ZFYVE9: variants seen among roughly 807,000 people sequenced by gnomAD.
The protein encoded by ZFYVE9 is zinc finger FYVE-type containing 9, also known as zinc finger FYVE domain-containing protein 9.
Under a neutral mutation model 126.7 loss-of-function variants are expected in ZFYVE9, and 43 were observed. The observed-to-expected ratio is 0.34, with a 90% CI of 0.27 to 0.44. The LOEUF (loss-of-function observed/expected upper bound fraction) is 0.44. Among genes scored for constraint, ZFYVE9 ranks in the 20% least tolerant of loss-of-function variants. The probability of loss-of-function intolerance (pLI) is 1.00; values close to 1 mark genes in which losing one functional copy is unlikely to be tolerated. For synonymous variants in ZFYVE9, 521 were observed against 597.4 expected, an observed-to-expected ratio of 0.87 and a Z score of 1.87; for missense variants, 1,476 against 1,697.0, an observed-to-expected ratio of 0.87 and a Z score of 2.29.
chr1:52,184,290 T>C (rs1257267208), intron 1 of ZFYVE9, among the ~76,000 whole-genome samples: 3 of 148,736 alleles, frequency 2.0e-5, no homozygotes, highest in African/African-American at 7.4e-5. Context: ...AGTGGCATGA[T>C]TTTGGCTCAC....
At chr1:52,277,751 A>T (rs941181756) in intron 8 of ZFYVE9, among the ~76,000 whole-genome samples, 29 of 152,236 alleles carry the variant, frequency 1.9e-4, no homozygotes, top group African/African-American at 7.0e-4. Flanking sequence ...ATTATTACGC[A>T]TGATTTGACT....
At chr1:52,244,179 G>A (rs1421166339) in intron 4 of ZFYVE9, among the ~76,000 whole-genome samples, 1 of 152,138 alleles carries the variant, frequency 6.6e-6, no homozygotes, top group Non-Finnish European at 1.5e-5. Flanking sequence ...GGAGGAAGTG[G>A]TGATGGCTTT....
intron 1 of ZFYVE9, among the ~76,000 whole-genome samples, chr1:52,197,197 T>C (rs569142852): frequency 6.6e-6 from 1 of 152,270 alleles, no homozygotes; most frequent in South Asian, 2.1e-4. Flanking sequence ...AAATTGGTTT[T>C]CATTAAATGA....
At chr1:52,222,315 A>G (rs1645131031) in intron 2 of ZFYVE9, among the ~76,000 whole-genome samples, 1 of 152,192 alleles carries the variant, frequency 6.6e-6, no homozygotes, top group Admixed American at 6.5e-5. Flanking sequence ...GTCCATCAGT[A>G]CTGTTGTTTT....
intron 13 of ZFYVE9, among the ~76,000 whole-genome samples, chr1:52,308,325 C>T (rs1363866554): frequency 3.3e-5 from 5 of 151,988 alleles, no homozygotes; most frequent in Non-Finnish European, 7.4e-5. Flanking sequence ...GGACTACAGG[C>T]GTGTACCATC....
intron 1 of ZFYVE9, chr1:52,180,610 ATAAAG>A (rs1395782884): frequency 3.7e-6 from 2 of 544,048 alleles, no homozygotes; most frequent in East Asian, 3.2e-5. Context: ...TTAAAAAAGG[ATAAAG>A]TAAGAATGAA....
At position 52,295,916 on chromosome 1, in the gene ZFYVE9, G is replaced by A. The variant is rs1487086653; in HGVS notation, c.3272G>A (p.Ser1091Asn). The change falls in exon 12 of 19, where the codon AGT (serine) becomes AAT (asparagine). Residue 1091 changes from serine (S) to asparagine (N), a missense_variant. Ser to Asn is a conservative substitution (Grantham distance 46). This residue lies in a region of ZFYVE9 where 669 missense variants were observed against 902.4 expected (regional missense o/e 0.74). Coordinates refer to ENST00000287727, the MANE Select transcript of ZFYVE9 (RefSeq NM_004799.4). ...EYRLYPCPLF[S>N]VRFRKPLFGE... ...ATAGTTTATCCATGCCCACTATTCA[G>A]TGTCAGATTTCGGAAGCCATTGTTT... 3.1e-6 allele frequency: 5 copies of A among 1,613,706 alleles called. No individual in the cohort carries two copies. Among genetic ancestry groups the A allele is most frequent in the South Asian group, 1.1e-5 (1 of 91,044 alleles).
chr1:52,207,868 C>T (rs79166694), intron 1 of ZFYVE9, among the ~76,000 whole-genome samples: 7,178 of 152,264 alleles, frequency 0.047, 569 homozygotes, highest in African/African-American at 0.16. Context: ...TAATAGCTAT[C>T]ATTTATTGAG....
In ZFYVE9 at chr1:52,293,478, T is replaced by C; in HGVS notation, c.3051T>C (p.His1017=). 2 of 1,613,920 alleles carry C rather than the reference T, an allele frequency of 1.2e-6. No homozygotes were observed. Among genetic ancestry groups the C allele is most frequent in the East Asian group, 4.5e-5 (2 of 44,866 alleles). ...LAGNVVSNLG[H]SFFSQSFLGS... Reference sequence around the variant, plus strand: ...GGAATGTGGTGAGCAACTTGGGACATTCCTTCTTCAGTCAAAGTTTCCTTG... The same window carrying C: ...GGAATGTGGTGAGCAACTTGGGACACTCCTTCTTCAGTCAAAGTTTCCTTG... Residue 1017 remains histidine (H), a synonymous_variant, in exon 11 of 19, where the codon CAT becomes CAC. Transcript: ENST00000287727.
At position 52,238,871 on chromosome 1, in the gene ZFYVE9, A is replaced by G; in HGVS notation, c.1454A>G (p.Asp485Gly). The part of the protein sequence containing the change: ...SNGCDSYGMQ[D>G]PGVSFVPKTL... ...GGTTGTGATTCCTATGGAATGCAAGACCCAGGTGTTTCTTTTGTTCCAAAG... is the reference window on the plus strand; with the variant it reads ...GGTTGTGATTCCTATGGAATGCAAGGCCCAGGTGTTTCTTTTGTTCCAAAG... Residue 485 changes from aspartate to glycine, a missense_variant, in exon 4 of 19, where the codon GAC (aspartate) becomes GGC (glycine). This residue lies in a region of ZFYVE9 where 807 missense variants were observed against 794.6 expected (regional missense o/e 1.02). Transcript: ENST00000287727. The G allele has an allele frequency of 6.2e-7, 1 of 1,614,126 alleles. No individual in the cohort carries two copies. Among genetic ancestry groups the G allele is most frequent in the South Asian group, 1.1e-5 (1 of 91,084 alleles).
At chr1:52,194,194 A>G (rs1277222735) in intron 1 of ZFYVE9, among the ~76,000 whole-genome samples, 1 of 152,204 alleles carries the variant, frequency 6.6e-6, no homozygotes, top group East Asian at 1.9e-4. Context: ...TTCCCCACCA[A>G]AATAGATTCT....
intron 1 of ZFYVE9, among the ~76,000 whole-genome samples, chr1:52,159,083 C>T (rs547573111): frequency 1.8e-4 from 27 of 152,276 alleles, no homozygotes; most frequent in African/African-American, 5.3e-4. Context: ...TGAGCCACCG[C>T]GCCCGGCTAT....
intron 3 of ZFYVE9, among the ~76,000 whole-genome samples, chr1:52,233,801 G>A (rs929745013): frequency 6.6e-6 from 1 of 152,112 alleles, no homozygotes; most frequent in Non-Finnish European, 1.5e-5. Flanking sequence ...TTTGTTGGTT[G>A]GTTGGTTTTT....
intron 4 of ZFYVE9, among the ~76,000 whole-genome samples, chr1:52,249,465 G>T (rs1031447548): frequency 2.0e-5 from 3 of 152,096 alleles, no homozygotes; most frequent in Non-Finnish European, 4.4e-5. Context: ...GTCTATTCAG[G>T]TCTTTTGCCC....
At chr1:52,263,582 T>C (rs1645602318) in intron 4 of ZFYVE9, among the ~76,000 whole-genome samples, 191 bp from the exon 5 acceptor site, 1 of 152,188 alleles carries the variant, frequency 6.6e-6, no homozygotes, top group Non-Finnish European at 1.5e-5. Context: ...CATTTCTTTA[T>C]TGTTGACAGA....
intron 4 of ZFYVE9, among the ~76,000 whole-genome samples, chr1:52,250,699 A>ATTT (rs1645435509): frequency 6.6e-6 from 1 of 151,926 alleles, no homozygotes; most frequent in Non-Finnish European, 1.5e-5. Flanking sequence ...ATCTTAAAGC[A>ATTT]AAAGTTCTTT....
intron 15 of ZFYVE9, among the ~76,000 whole-genome samples, chr1:52,336,563 T>G (rs924300778): frequency 2.0e-5 from 3 of 151,988 alleles, no homozygotes; most frequent in Non-Finnish European, 4.4e-5. Context: ...TCCACCATGT[T>G]GGTCAGGCTG....
intron 1 of ZFYVE9, among the ~76,000 whole-genome samples, chr1:52,198,128 T>TG (rs1553123747): frequency 2.3e-5 from 3 of 133,184 alleles, no homozygotes; most frequent in Non-Finnish European, 3.3e-5. Context: ...TTGTTTGTTT[T>TG]TTTTTTTTTT....
intron 2 of ZFYVE9, among the ~76,000 whole-genome samples, chr1:52,227,768 T>G (rs1645183139): frequency 6.6e-6 from 1 of 152,238 alleles, no homozygotes; most frequent in African/African-American, 2.4e-5. Context: ...ATTGGCACTC[T>G]ATTCCATCCT....
Sources: allele counts gnomAD v4.1 joint callset (sites outside exome capture counted in the v4.1 genomes callset), GRCh38; gene constraint gnomAD v4.1.1; regional missense constraint gnomAD v4.1.1; transcripts MANE v1.5; gene names NCBI Gene and HGNC (gene_info 2026-07-23, HGNC 2026-07-21).